ALDH5A1: variants seen among roughly 807,000 people sequenced by gnomAD.
ALDH5A1 encodes aldehyde dehydrogenase 5 family member A1.
ALDH5A1 carries 33 observed loss-of-function variants against 54.7 expected under a neutral mutation model. The observed-to-expected ratio is 0.60, with a 90% CI of 0.46 to 0.81. The LOEUF is 0.81. Among genes scored for constraint, ALDH5A1 ranks in the 30% least tolerant of loss-of-function variants. The pLI is 0.00. For missense variants in ALDH5A1, 657 were observed against 711.0 expected (o/e 0.92, Z 0.86); for synonymous variants, 294 against 292.7 (o/e 1.00, Z -0.05).
chr6:24,525,806 G>C (rs537954064), intron 7 of ALDH5A1, among the ~76,000 whole-genome samples: 2 of 152,264 alleles, frequency 1.3e-5, no homozygotes, highest in East Asian at 1.9e-4. Context: ...GGTGGCTACA[G>C]AAAGTAGGAA....
chr6:24,506,449 C>T (rs1474381143), intron 4 of ALDH5A1, among the ~76,000 whole-genome samples: 1 of 151,684 alleles, frequency 6.6e-6, no homozygotes, highest in Non-Finnish European at 1.5e-5. Flanking sequence ...GACTGGGTTT[C>T]ACCATCTTGG....
intron 1 of ALDH5A1, among the ~76,000 whole-genome samples, chr6:24,498,211 C>A (rs779427146): frequency 2.6e-5 from 4 of 152,080 alleles, no homozygotes; most frequent in African/African-American, 7.2e-5. Context: ...TTTGAGATGT[C>A]GGTTCACACC....
chr6:24,521,473 T>A (rs894754026), intron 6 of ALDH5A1, among the ~76,000 whole-genome samples: 2 of 152,236 alleles, frequency 1.3e-5, no homozygotes, highest in Non-Finnish European at 2.9e-5. Flanking sequence ...AGCATTCATC[T>A]TAAAAGTACC....
At chr6:24,495,794 C>A (rs1382200929) in intron 1 of ALDH5A1, among the ~76,000 whole-genome samples, 3 of 152,152 alleles carry the variant, frequency 2.0e-5, no homozygotes, top group Non-Finnish European at 4.4e-5. Flanking sequence ...CTTGAGAAGG[C>A]TGGTAGTGAG....
chr6:24,533,438 C>T (rs1337184644), intron 9 of ALDH5A1, 69 bp from the exon 10 acceptor site: 1 of 1,523,180 alleles, frequency 6.6e-7, no homozygotes, highest in East Asian at 2.3e-5. Context: ...CAATGGTGCC[C>T]TCATCTTTAG....
Position 24,523,204 on chromosome 6 carries a change from G to A in ALDH5A1, c.1173+279G>A, listed in dbSNP as rs571464952. On this transcript the variant is annotated intron_variant, in intron 7 of 9. Coordinates refer to ENST00000357578, the MANE Select transcript of ALDH5A1 (RefSeq NM_001080.3). ...ATGATCAATGTTTGAGGCGATAGAT[G>A]TGCTAACTATCCTGATTAGAGTATA... Among the ~76,000 whole-genome samples the A allele has an allele frequency of 4.6e-5, 7 of 152,172 alleles. No individual in the cohort carries two copies. In the South Asian group the frequency reaches 1.5e-3, roughly 32 times the overall value.
In ALDH5A1 at chr6:24,522,865, T is replaced by G. The variant is rs1561876803; in HGVS notation, c.1113T>G (p.Gly371=). 6.2e-7 allele frequency: 1 copy of G among 1,614,136 alleles called. No homozygotes were observed. Residue 371 remains glycine (G), a synonymous_variant, in exon 7 of 10, where the codon GGT becomes GGG. Transcript: ENST00000357578. ...AEAMKKNLRV[G]NGFEEGTTQG... is the part of the protein sequence containing the mutation. ...CCATGAAGAAGAACCTGCGCGTAGGTAATGGATTTGAGGAAGGAACTACTC... is the reference window on the plus strand; with the variant it reads ...CCATGAAGAAGAACCTGCGCGTAGGGAATGGATTTGAGGAAGGAACTACTC...
chr6:24,513,015 G>A (rs1321613048), intron 4 of ALDH5A1, among the ~76,000 whole-genome samples: 3 of 152,032 alleles, frequency 2.0e-5, no homozygotes, highest in Non-Finnish European at 2.9e-5. Context: ...TTGTGGGCAT[G>A]TCTTTCTGGT....
chr6:24,520,169 G>A (rs1759651484), intron 5 of ALDH5A1, among the ~76,000 whole-genome samples: 2 of 152,104 alleles, frequency 1.3e-5, no homozygotes, highest in Non-Finnish European at 2.9e-5. Flanking sequence ...CTCTTAAGGT[G>A]CTGGGACTAC....
intron 7 of ALDH5A1, among the ~76,000 whole-genome samples, chr6:24,523,375 C>T (rs191363751): frequency 1.3e-5 from 2 of 148,550 alleles, no homozygotes; most frequent in Admixed American, 1.3e-4. Context: ...AAAATGAAAA[C>T]AAAAAAGTCA....
Position 24,503,366 on chromosome 6 carries a change from C to A in ALDH5A1, c.542C>A (p.Thr181Asn). ...ARRVYGDIIH[T>N]PAKDRRALVL... ...CGTGTTTACGGAGACATTATCCACA[C>A]CCCGGCAAAGGACAGGCGGGCCCTG... The change falls in exon 3 of 10, where the codon ACC (threonine) becomes AAC (asparagine). Residue 181 changes from threonine to asparagine, a missense_variant. By Grantham distance (65) the Thr-to-Asn change is moderately conservative. This residue lies in a region of ALDH5A1 where 425 missense variants were observed against 516.4 expected (regional missense o/e 0.82). Coordinates refer to ENST00000357578, the MANE Select transcript of ALDH5A1 (RefSeq NM_001080.3). The A allele has an allele frequency of 1.2e-6, 2 of 1,614,084 alleles. No homozygotes were observed. The highest frequency in any genetic ancestry group is 4.5e-5 in the East Asian group (2 of 44,870).
At chr6:24,497,162 G>T (rs1229839441) in intron 1 of ALDH5A1, among the ~76,000 whole-genome samples, 2 of 152,178 alleles carry the variant, frequency 1.3e-5, no homozygotes, top group Non-Finnish European at 2.9e-5. Context: ...CAGCGCGGAA[G>T]GGGACCCGAG....
rs1764660534 is a variant in ALDH5A1 at position 24,495,056 on chromosome 6, A to G, written c.60A>G (p.Pro20=). ...CGARRLGSTF[P]GCRLRPRAGG... ...CCCGGCGCCTCGGGTCGACGTTTCC[A>G]GGCTGCCGCCTCCGCCCCCGCGCCG... is the stretch of plus-strand genomic sequence containing the variant. The change falls in exon 1 of 10, where the codon CCA becomes CCG. Residue 20 remains proline (P), a synonymous_variant. Transcript: ENST00000357578. 4.4e-6 allele frequency: 6 copies of G among 1,352,018 alleles called. No individual in the cohort carries two copies. The highest frequency in any genetic ancestry group is 2.8e-5 in the Admixed American group (1 of 35,348). The allele number at this position is 1,352,018 out of a possible 1,614,324, so 83.8% of individuals were successfully genotyped here.
rs759067230 is a variant in ALDH5A1, at chr6:24,503,244, C to A, written c.439-19C>A. On this transcript the variant is annotated intron_variant, in intron 2 of 9. Coordinates refer to ENST00000357578, the MANE Select transcript of ALDH5A1 (RefSeq NM_001080.3). The stretch of plus-strand genomic sequence containing the variant: ...ATTATTAGAAGGTAATACGTGGGTT[C>A]TTTTCTGATTTAATTTAGGGAAAGC... 2 of 1,612,520 alleles carry A rather than the reference C, an allele frequency of 1.2e-6. No individual in the cohort carries two copies. The highest frequency in any genetic ancestry group is 2.2e-5 in the East Asian group (1 of 44,868).
At chr6:24,506,270 T>G (rs1759352481) in intron 4 of ALDH5A1, among the ~76,000 whole-genome samples, 1 of 116,038 alleles carries the variant, frequency 8.6e-6, no homozygotes, top group African/African-American at 4.0e-5. Context: ...TTTTTTTTTT[T>G]TTTGAGACAG....
intron 5 of ALDH5A1, among the ~76,000 whole-genome samples, chr6:24,516,468 TA>T (rs148107784): frequency 0.019 from 2,779 of 143,940 alleles, 69 homozygotes; most frequent in African/African-American, 0.057. Context: ...AATTAAAAAT[TA>T]AAAAAAATAA....
chr6:24,529,735 G>A (rs1377428682), intron 8 of ALDH5A1, among the ~76,000 whole-genome samples: 4 of 122,390 alleles, frequency 3.3e-5, no homozygotes, highest in East Asian at 4.6e-4. Context: ...GCAGTGTTGC[G>A]ATCTCAGCTC....
chr6:24,517,187 G>A (rs374947177), intron 5 of ALDH5A1, among the ~76,000 whole-genome samples: 76 of 152,196 alleles, frequency 5.0e-4, no homozygotes, highest in African/African-American at 1.7e-3. Flanking sequence ...TGTATTTTCT[G>A]TAGAGATGGG....
chr6:24,526,542 C>T (rs763478791), intron 7 of ALDH5A1, among the ~76,000 whole-genome samples: 8 of 151,764 alleles, frequency 5.3e-5, no homozygotes, highest in Non-Finnish European at 1.2e-4. Context: ...TCACAAGATT[C>T]GGTACCTGAA....
Sources: allele counts gnomAD v4.1 joint callset (sites outside exome capture counted in the v4.1 genomes callset), GRCh38; gene constraint gnomAD v4.1.1; regional missense constraint gnomAD v4.1.1; transcripts MANE v1.5; gene names NCBI Gene and HGNC (gene_info 2026-07-23, HGNC 2026-07-21).